PLCB4: variants seen among roughly 807,000 people sequenced by gnomAD.
PLCB4 encodes phospholipase C beta 4.
PLCB4 carries 77 observed loss-of-function variants against 178.8 expected under a neutral mutation model. That is an observed-to-expected ratio of 0.43 (90% CI 0.36 to 0.52). PLCB4 has a LOEUF of 0.52. PLCB4 is among the 20% of genes least tolerant of loss of function. PLCB4 has a pLI of 0.00. For missense variants in PLCB4, 1,024 were observed against 1,453.4 expected, an observed-to-expected ratio of 0.70 and a Z score of 4.80; for synonymous variants, 496 against 490.8, an observed-to-expected ratio of 1.01 and a Z score of -0.14.
intron 7 of PLCB4, among the ~76,000 whole-genome samples, chr20:9,349,863 G>A (rs972397802): frequency 8.5e-5 from 13 of 152,102 alleles, no homozygotes; most frequent in Non-Finnish European, 1.5e-5. Context: ...GCAAAAAATT[G>A]CCATTGGAAA....
At chr20:9,394,389 A>T (rs1274193126) in intron 18 of PLCB4, among the ~76,000 whole-genome samples, 3 of 152,190 alleles carry the variant, frequency 2.0e-5, no homozygotes, top group African/African-American at 4.8e-5. Flanking sequence ...ACACGTATTC[A>T]TATACTATAG....
chr20:9,407,813 C>T, intron 21 of PLCB4, 104 bp from the exon 22 acceptor site: 1 of 952,480 alleles, frequency 1.0e-6, no homozygotes. Context: ...CTTTACCTTT[C>T]AATTTGTGTG....
chr20:9,430,476 A>G (rs368633588), intron 28 of PLCB4, among the ~76,000 whole-genome samples: 1 of 152,254 alleles, frequency 6.6e-6, no homozygotes, highest in Non-Finnish European at 1.5e-5. Context: ...CAAATAAAAC[A>G]TCTCAAATAA....
At chr20:9,447,826 C>T (rs1442476315) in intron 32 of PLCB4, among the ~76,000 whole-genome samples, 3 of 152,208 alleles carry the variant, frequency 2.0e-5, no homozygotes, top group African/African-American at 7.2e-5. Context: ...ATGTTTCTCA[C>T]ACTAATTTTT....
intron 19 of PLCB4, among the ~76,000 whole-genome samples, chr20:9,401,144 T>G (rs1363920809): frequency 1.3e-5 from 2 of 152,236 alleles, no homozygotes; most frequent in Non-Finnish European, 2.9e-5. Context: ...CACCTTTTTA[T>G]GAGTTATAGA....
intron 12 of PLCB4, among the ~76,000 whole-genome samples, chr20:9,374,089 T>G (rs2036474787): frequency 6.6e-6 from 1 of 152,168 alleles, no homozygotes; most frequent in Admixed American, 6.5e-5. Flanking sequence ...AATTTGCCAC[T>G]TCATAGAGAC....
intron 9 of PLCB4, among the ~76,000 whole-genome samples, chr20:9,366,160 C>T (rs143291376): frequency 1.1e-4 from 17 of 150,172 alleles, no homozygotes; most frequent in Non-Finnish European, 2.1e-4. Context: ...GAGGCCGCAG[C>T]GGGTGGATCA....
intron 12 of PLCB4, among the ~76,000 whole-genome samples, chr20:9,374,971 A>G (rs1235148314): frequency 6.6e-6 from 1 of 152,100 alleles, no homozygotes; most frequent in East Asian, 1.9e-4. Context: ...TCTTAACATT[A>G]AGGAAGTACC....
chr20:9,150,106 G>T (rs1286638280), intron 2 of PLCB4, among the ~76,000 whole-genome samples: 2 of 152,208 alleles, frequency 1.3e-5, no homozygotes, highest in Non-Finnish European at 2.9e-5. Flanking sequence ...CAGTCCTGAA[G>T]CAGTGTCTGG....
chr20:9,167,266 T>TC (rs1236332053), intron 2 of PLCB4, among the ~76,000 whole-genome samples: 12 of 152,004 alleles, frequency 7.9e-5, no homozygotes, highest in African/African-American at 2.9e-4. Context: ...ATGAGGTCTA[T>TC]TAAAAAAAAA....
chr20:9,403,005 C>T (rs2039153828), intron 20 of PLCB4, among the ~76,000 whole-genome samples: 1 of 152,084 alleles, frequency 6.6e-6, no homozygotes, highest in African/African-American at 2.4e-5. Context: ...CCTTAGTTTC[C>T]TCATCTGCAA....
chr20:9,413,658 CAAAA>C (rs869124730), intron 25 of PLCB4, among the ~76,000 whole-genome samples: 4 of 67,386 alleles, frequency 5.9e-5, no homozygotes, highest in African/African-American at 1.0e-4. Context: ...GACTCCATCT[CAAAA>C]AAAAAAAAAA....
intron 2 of PLCB4, among the ~76,000 whole-genome samples, chr20:9,136,132 A>C (rs2092377312): frequency 6.6e-6 from 1 of 152,164 alleles, no homozygotes; most frequent in African/African-American, 2.4e-5. Context: ...GCACACACAC[A>C]CACACCCCAC....
chr20:9,447,527 C>T (rs2042488380), intron 32 of PLCB4, among the ~76,000 whole-genome samples: 1 of 152,240 alleles, frequency 6.6e-6, no homozygotes, highest in East Asian at 1.9e-4. Context: ...AACACACCAT[C>T]ACTTCCACCT....
At chr20:9,472,283 C>G (rs752955758) in intron 36 of PLCB4, among the ~76,000 whole-genome samples, 11 of 152,222 alleles carry the variant, frequency 7.2e-5, no homozygotes, top group Non-Finnish European at 1.6e-4. Flanking sequence ...CCCAGGCCCA[C>G]TGGATCAAAG....
At chr20:9,360,384 T>C (rs1297200642) in intron 7 of PLCB4, among the ~76,000 whole-genome samples, 2 of 152,132 alleles carry the variant, frequency 1.3e-5, no homozygotes, top group Non-Finnish European at 2.9e-5. Context: ...TTAAGCCTCT[T>C]CAAAGTGCAC....
chr20:9,215,490 G>A (rs1291459959), intron 2 of PLCB4, among the ~76,000 whole-genome samples: 1 of 152,110 alleles, frequency 6.6e-6, no homozygotes, highest in Non-Finnish European at 1.5e-5. Context: ...TTCAATCCAT[G>A]CTTAGAGCCA....
chr20:9,117,056 C>T (rs952091637), intron 2 of PLCB4, among the ~76,000 whole-genome samples: 2 of 152,128 alleles, frequency 1.3e-5, no homozygotes, highest in African/African-American at 4.8e-5. Context: ...GCTTAACACT[C>T]CAATTTGTCC....
chr20:9,412,055 T>C (rs2039897071), intron 25 of PLCB4, among the ~76,000 whole-genome samples: 1 of 152,350 alleles, frequency 6.6e-6, no homozygotes, highest in East Asian at 1.9e-4. Flanking sequence ...ACAGTGATTA[T>C]GCTATTCCCC....
Sources: gnomAD v4.1 joint callset for allele counts (sites outside exome capture counted in the v4.1 genomes callset) on GRCh38, gnomAD v4.1.1 for gene constraint, MANE v1.5 for transcripts, NCBI Gene and HGNC (gene_info 2026-07-23, HGNC 2026-07-21) for gene names.